RPA3: variants seen among roughly 807,000 people sequenced by gnomAD.
RPA3 encodes the protein replication protein A3.
In RPA3, 24 loss-of-function variants were observed where a neutral mutation model predicts 13.7. The ratio of observed to expected loss-of-function variants is 1.75; its 90% CI spans 1.27 to 2.46. RPA3 has a LOEUF of 2.46. Among genes scored for constraint, RPA3 ranks in the 30% most tolerant of loss-of-function variants. The pLI, the probability that RPA3 is intolerant of heterozygous loss-of-function variation, is 0.00. For missense variants in RPA3, 183 were observed against 151.0 expected (o/e 1.21, Z -1.11); for synonymous variants, 59 against 51.2 (o/e 1.15, Z -0.65).
chr7:7,655,260 C>G (rs989690606), intron 4 of RPA3, among the ~76,000 whole-genome samples: 1 of 152,124 alleles, frequency 6.6e-6, no homozygotes, highest in Non-Finnish European at 1.5e-5. Context: ...CCCCAGTACT[C>G]TTTTCACCTA....
At chr7:7,717,271 G>A (rs1490754476) in intron 1 of RPA3, among the ~76,000 whole-genome samples, 2 of 151,998 alleles carry the variant, frequency 1.3e-5, no homozygotes, top group African/African-American at 2.4e-5. Flanking sequence ...TGGCCTGGCT[G>A]GTCTCGAACT....
chr7:7,703,607 T>C (rs996039050), intron 2 of RPA3, among the ~76,000 whole-genome samples: 1 of 152,176 alleles, frequency 6.6e-6, no homozygotes, highest in Non-Finnish European at 1.5e-5. Context: ...TAACAACAAT[T>C]TGTCCTAATC....
At chr7:7,645,370 A>C (rs1056625677) in intron 4 of RPA3, among the ~76,000 whole-genome samples, 1 of 152,182 alleles carries the variant, frequency 6.6e-6, no homozygotes, top group Non-Finnish European at 1.5e-5. Flanking sequence ...GCAACTTAGT[A>C]CTTATGTGGT....
intron 2 of RPA3, among the ~76,000 whole-genome samples, chr7:7,701,826 G>A (rs1780471511): frequency 6.6e-6 from 1 of 152,238 alleles, no homozygotes; most frequent in East Asian, 1.9e-4. Flanking sequence ...ATGACTGTCT[G>A]CCCTCTGAGG....
chr7:7,663,761 C>T (rs919143024), intron 4 of RPA3, among the ~76,000 whole-genome samples: 26 of 152,010 alleles, frequency 1.7e-4, no homozygotes, highest in African/African-American at 5.3e-4. Context: ...GGTTAGTATC[C>T]CCGGGGCAAT....
chr7:7,650,957 A>AG (rs1207310402), intron 4 of RPA3, among the ~76,000 whole-genome samples: 2 of 152,192 alleles, frequency 1.3e-5, no homozygotes, highest in East Asian at 3.9e-4. Flanking sequence ...TGTACTCAGG[A>AG]ACCAGCAGAA....
At chr7:7,693,030 A>G (rs1780212434) in intron 2 of RPA3, among the ~76,000 whole-genome samples, 1 of 152,186 alleles carries the variant, frequency 6.6e-6, no homozygotes, top group South Asian at 2.1e-4. Flanking sequence ...AGGTAATTTA[A>G]TCTTTTTTCT....
intron 4 of RPA3, among the ~76,000 whole-genome samples, chr7:7,685,196 C>G (rs1780013133): frequency 6.6e-6 from 1 of 152,048 alleles, no homozygotes; most frequent in Non-Finnish European, 1.5e-5. Flanking sequence ...AATCTTAGTA[C>G]TACAATATTC....
In RPA3 at chr7:7,640,698, G is replaced by T; in HGVS notation, c.-280C>A. The T allele has an allele frequency of 2.4e-6, 1 of 422,970 alleles. No homozygotes were observed. Among genetic ancestry groups the T allele is most frequent in the South Asian group, 2.9e-5 (1 of 34,932 alleles). 26.2% of individuals were successfully genotyped at this position (422,970 alleles called of 1,614,324 possible). On this transcript the variant is annotated 5_prime_UTR_variant, in exon 5 of 8. Transcript: ENST00000223129. Reference sequence around the variant, plus strand: ...GCGAGAGGCAGTGGAGGCGGGACTTGGATAGGGGCGGAACCTGAGACTACC... The same window carrying T: ...GCGAGAGGCAGTGGAGGCGGGACTTTGATAGGGGCGGAACCTGAGACTACC...
At chr7:7,708,868 AGTTGTAT>A (rs1474400744) in intron 2 of RPA3, among the ~76,000 whole-genome samples, 1 of 151,932 alleles carries the variant, frequency 6.6e-6, no homozygotes, top group East Asian at 1.9e-4. Context: ...AAATACAGGC[AGTTGTAT>A]GTTTTTAAGA....
chr7:7,642,513 A>C (rs561252685), intron 4 of RPA3, among the ~76,000 whole-genome samples: 1 of 151,752 alleles, frequency 6.6e-6, no homozygotes, highest in South Asian at 2.1e-4. Context: ...ACCAGATGTT[A>C]ATGTCGTTGT....
At chr7:7,661,274 C>T (rs1333127147) in intron 4 of RPA3, among the ~76,000 whole-genome samples, 1 of 152,182 alleles carries the variant, frequency 6.6e-6, no homozygotes, top group African/African-American at 2.4e-5. Context: ...GCTCCTTTAG[C>T]TCAGAGGAGT....
intron 4 of RPA3, among the ~76,000 whole-genome samples, chr7:7,645,713 A>G (rs1785078689): frequency 6.6e-6 from 1 of 151,652 alleles, no homozygotes; most frequent in Non-Finnish European, 1.5e-5. Flanking sequence ...ATGAGTATGT[A>G]TTTTTCAGTG....
Position 7,640,323 on chromosome 7 carries a change from T to C in RPA3, c.96A>G (p.Glu32=), listed in dbSNP as rs755512293. The change falls in exon 5 of 8, where the codon GAA becomes GAG. Residue 32 remains glutamate (E), a synonymous_variant. Transcript: ENST00000223129. ...CCATGATTGCGAACCCGCACACCTTTTCCAGCCTCCCTACGAAGCAGACAG... is the reference window on the plus strand; with the variant it reads ...CCATGATTGCGAACCCGCACACCTTCTCCAGCCTCCCTACGAAGCAGACAG... ...DKPVCFVGRL[E]KIHPTGKMFI... The C allele has an allele frequency of 1.2e-6, 2 of 1,613,968 alleles. No individual in the cohort carries two copies. The highest frequency in any genetic ancestry group is 1.7e-6 in the Non-Finnish European group (2 of 1,179,934).
intron 4 of RPA3, among the ~76,000 whole-genome samples, chr7:7,646,889 C>A (rs577141450): frequency 6.6e-6 from 1 of 152,086 alleles, no homozygotes; most frequent in Non-Finnish European, 1.5e-5. Flanking sequence ...ATAGGGGTGA[C>A]ATATTGGGCC....
chr7:7,650,586 A>C (rs1563084116), intron 4 of RPA3, among the ~76,000 whole-genome samples: 1 of 152,230 alleles, frequency 6.6e-6, no homozygotes, highest in Non-Finnish European at 1.5e-5. Context: ...ACTAAACCGT[A>C]CACTTAAAAA....
chr7:7,696,834 C>T (rs556732107), intron 2 of RPA3, among the ~76,000 whole-genome samples: 8 of 151,188 alleles, frequency 5.3e-5, no homozygotes, highest in Non-Finnish European at 1.2e-4. Context: ...CTTTTTCTTT[C>T]TTCTTCTTTT....
At chr7:7,700,183 A>C (rs913035062) in intron 2 of RPA3, among the ~76,000 whole-genome samples, 2 of 152,184 alleles carry the variant, frequency 1.3e-5, no homozygotes, top group Non-Finnish European at 2.9e-5. Flanking sequence ...GCAAATAGGC[A>C]GTCTGGTGAG....
In RPA3 at chr7:7,673,368, A is replaced by G. The variant is rs77667086; in HGVS notation, c.-758+12462T>C. The G allele has an allele frequency of 3.6e-3, 4,050 of 1,125,892 alleles. 116 individuals carry two copies. In the African/African-American group the frequency reaches 0.058, roughly 16 times the overall value. The allele number at this position is 1,125,892 out of a possible 1,614,324, so 69.7% of individuals were successfully genotyped here. A position where few individuals can be genotyped will look rare whatever the true frequency, so the allele number is the denominator to read the frequency against. On this transcript the variant is annotated intron_variant, in intron 4 of 7. Transcript: ENST00000223129. ...CAGCAGCAGCAGCAGCAGCAGCAGC[A>G]GCAATGTTTCACTTCTTCAGAAAGC...
Sources: gnomAD v4.1 joint callset for allele counts (sites outside exome capture counted in the v4.1 genomes callset) on GRCh38, gnomAD v4.1.1 for gene constraint, MANE v1.5 for transcripts, NCBI Gene and HGNC (gene_info 2026-07-23, HGNC 2026-07-21) for gene names.